Variants in VMP1 observed in about 807,000 individuals in gnomAD.
VMP1 encodes the protein ectopic P-granules autophagy protein 3 homolog.
In VMP1, 11 loss-of-function variants were observed where a neutral mutation model predicts 56.0. The observed-to-expected ratio is 0.20, with a 90% CI of 0.12 to 0.32. The LOEUF is 0.32. Among genes scored for constraint, VMP1 ranks in the 10% least tolerant of loss-of-function variants. The pLI, the probability that VMP1 is intolerant of heterozygous loss-of-function variation, is 1.00. For synonymous variants in VMP1, 149 were observed against 165.0 expected (o/e 0.90, Z 0.74); for missense variants, 296 against 490.3 (o/e 0.60, Z 3.74).
At chr17:59,765,256 C>A in intron 6 of VMP1, 118 bp downstream of exon 6, 1 of 1,181,786 alleles carries the variant, frequency 8.5e-7, no homozygotes, top group Non-Finnish European at 1.2e-6. Context: ...AGTCAGTAAC[C>A]AGCTACCTAC....
At chr17:59,811,351 A>G (rs887695221) in intron 8 of VMP1, among the ~76,000 whole-genome samples, 2 of 152,190 alleles carry the variant, frequency 1.3e-5, no homozygotes, top group African/African-American at 4.8e-5. Flanking sequence ...CTGCAGGTCC[A>G]CTTACTTTAT....
chr17:59,833,522 A>G lies in VMP1; in HGVS notation c.975-4773A>G, dbSNP rs150086243. Among the ~76,000 whole-genome samples, 390 of 152,248 alleles carry G rather than the reference A, an allele frequency of 2.6e-3. 1 individual carries two copies. The highest frequency in any genetic ancestry group is 8.4e-3 in the African/African-American group (348 of 41,534). ...TAAAAAGAAACATAATAATAATAAT[A>G]AATAAAACTTTTAACCTCTTGTCTG... is the stretch of plus-strand genomic sequence containing the variant. On this transcript the variant is annotated intron_variant, in intron 10 of 11. Coordinates refer to ENST00000262291, the MANE Select transcript of VMP1 (RefSeq NM_030938.5).
At chr17:59,837,496 A>G (rs2039019642) in intron 10 of VMP1, 1 of 152,200 alleles carries the variant, frequency 6.6e-6, no homozygotes, top group Non-Finnish European at 1.5e-5. Flanking sequence ...CACTGCCTCC[A>G]TGTATTCTGG....
At chr17:59,826,218 A>G (rs888887238) in intron 10 of VMP1, among the ~76,000 whole-genome samples, 1 of 152,186 alleles carries the variant, frequency 6.6e-6, no homozygotes, top group Non-Finnish European at 1.5e-5. Context: ...TTTGACAGTT[A>G]ACCTTTCTAT....
At chr17:59,823,507 T>C (rs1397912105) in intron 10 of VMP1, among the ~76,000 whole-genome samples, 1 of 150,520 alleles carries the variant, frequency 6.6e-6, no homozygotes, top group Non-Finnish European at 1.5e-5. Flanking sequence ...CCCAGCACTT[T>C]GGGAGGCTGA....
intron 10 of VMP1, among the ~76,000 whole-genome samples, chr17:59,823,758 A>C (rs2038538251): frequency 6.6e-6 from 1 of 152,104 alleles, no homozygotes; most frequent in South Asian, 2.1e-4. Context: ...CTCAAAAAAA[A>C]AAAATCGCTG....
At chr17:59,766,791 T>C (rs1377441411) in intron 6 of VMP1, among the ~76,000 whole-genome samples, 2 of 150,196 alleles carry the variant, frequency 1.3e-5, no homozygotes, top group African/African-American at 4.9e-5. Context: ...TTTTTTTTGC[T>C]TTTTTTTTGA....
chr17:59,725,509 A>G (rs1312353122), intron 1 of VMP1, among the ~76,000 whole-genome samples: 2 of 151,276 alleles, frequency 1.3e-5, no homozygotes, highest in Non-Finnish European at 2.9e-5. Flanking sequence ...TGGCTGTTTC[A>G]TACTTGGGAT....
intron 5 of VMP1, among the ~76,000 whole-genome samples, chr17:59,763,592 A>C: frequency 6.6e-6 from 1 of 152,110 alleles, no homozygotes; most frequent in East Asian, 1.9e-4. Context: ...TAAATATCAC[A>C]TATGTGTGAA....
intron 3 of VMP1, among the ~76,000 whole-genome samples, chr17:59,736,808 C>T (rs755729918): frequency 4.7e-5 from 7 of 148,804 alleles, no homozygotes; most frequent in Non-Finnish European, 1.0e-4. Context: ...TTTGAGGGGC[C>T]GAGGCAGGCA....
intron 11 of VMP1, 155 bp from the exon 12 acceptor site, chr17:59,839,606 GGAGAGTA>G: frequency 2.5e-6 from 2 of 797,570 alleles, no homozygotes; most frequent in South Asian, 2.0e-5. Context: ...GGTGTAAAAA[GGAGAGTA>G]ATGGAGATTT....
chr17:59,838,296 G>A lies in VMP1; in HGVS notation c.976G>A (p.Ala326Thr). The A allele has an allele frequency of 6.2e-7, 1 of 1,613,720 alleles. No homozygotes were observed. The highest frequency in any genetic ancestry group is 1.1e-5 in the South Asian group (1 of 91,076). ...IVEQMVAFIG[A>T]VPGIGPSLQK... The stretch of plus-strand genomic sequence containing the variant: ...TGGGCTACTGTACCCTGCTTCCAGT[G>A]CTGTCCCCGGCATAGGTCCATCTCT... Residue 326 changes from alanine (A) to threonine (T), a missense_variant and splice_region_variant, in exon 11 of 12, where the codon GCT becomes ACT. Transcript: ENST00000262291.
chr17:59,797,227 A>G (rs529563562), intron 7 of VMP1, among the ~76,000 whole-genome samples: 4 of 149,972 alleles, frequency 2.7e-5, no homozygotes, highest in South Asian at 2.2e-4. Context: ...AGTCCGAGCT[A>G]CTGGGGAGGC....
intron 10 of VMP1, among the ~76,000 whole-genome samples, chr17:59,820,308 G>A (rs2038395286): frequency 6.6e-6 from 1 of 152,050 alleles, no homozygotes; most frequent in Non-Finnish European, 1.5e-5. Context: ...CTCAGCCTTG[G>A]CACTATTGAC....
At chr17:59,746,296 A>C (rs1406450788) in intron 5 of VMP1, among the ~76,000 whole-genome samples, 1 of 152,116 alleles carries the variant, frequency 6.6e-6, no homozygotes, top group Non-Finnish European at 1.5e-5. Context: ...TCAGCTTCCC[A>C]AGTAGCTGGA....
chr17:59,761,900 C>T (rs2036066702), intron 5 of VMP1, among the ~76,000 whole-genome samples: 1 of 152,168 alleles, frequency 6.6e-6, no homozygotes, highest in Admixed American at 6.5e-5. Flanking sequence ...ATCCTGAACT[C>T]GTGAACCCCA....
intron 1 of VMP1, 54 bp from the exon 2 acceptor site, chr17:59,731,367 A>T (rs924356672): frequency 2.5e-5 from 27 of 1,080,460 alleles, no homozygotes; most frequent in Non-Finnish European, 3.6e-5. Flanking sequence ...ATTCAGTCAC[A>T]GCTACACAGC....
intron 5 of VMP1, among the ~76,000 whole-genome samples, chr17:59,741,075 A>G (rs1314902424): frequency 2.6e-5 from 4 of 152,210 alleles, no homozygotes; most frequent in African/African-American, 9.7e-5. Flanking sequence ...CAGGACTGTT[A>G]GTCTCAGCTA....
chr17:59,828,295 C>T (rs1458390777), intron 10 of VMP1, among the ~76,000 whole-genome samples: 2 of 152,160 alleles, frequency 1.3e-5, no homozygotes, highest in African/African-American at 4.8e-5. Context: ...GTCTAACCTC[C>T]AATCTGATTC....
Sources: gnomAD v4.1 joint callset for allele counts (sites outside exome capture counted in the v4.1 genomes callset) on GRCh38, gnomAD v4.1.1 for gene constraint, MANE v1.5 for transcripts, NCBI Gene and HGNC (gene_info 2026-07-23, HGNC 2026-07-21) for gene names.